The following RNF141 variants were observed in gnomAD, a reference collection of about 807,000 sequenced individuals.
RNF141 encodes C3HC4-like zinc finger protein.
RNF141 carries 18 observed loss-of-function variants against 27.4 expected under a neutral mutation model. The ratio of observed to expected loss-of-function variants is 0.66; its 90% confidence interval spans 0.45 to 0.97. The LOEUF (loss-of-function observed/expected upper bound fraction) is 0.97, where lower values mean the gene tolerates loss of function less well. RNF141 is among the 50% of genes least tolerant of loss of function. The pLI is 0.00. For missense variants in RNF141, 230 were observed against 279.4 expected (o/e 0.82, Z 1.26); for synonymous variants, 97 against 96.6 (o/e 1.00, Z -0.02).
intron 3 of RNF141, among the ~76,000 whole-genome samples, chr11:10,530,049 CG>C (rs1849972193): frequency 6.6e-6 from 1 of 151,926 alleles, no homozygotes; most frequent in Non-Finnish European, 1.5e-5. Flanking sequence ...GTTTTAGAGC[CG>C]GGGTGGGGAT....
chr11:10,539,177 T>A (rs1297265410), intron 1 of RNF141, among the ~76,000 whole-genome samples: 1 of 152,212 alleles, frequency 6.6e-6, no homozygotes, highest in Non-Finnish European at 1.5e-5. Flanking sequence ...ATTGTGGAAG[T>A]TCAAATATTC....
At chr11:10,530,594 G>A (rs757337246) in intron 3 of RNF141, 49 bp downstream of exon 3, 1 of 1,021,282 alleles carries the variant, frequency 9.8e-7, no homozygotes, top group Non-Finnish European at 1.5e-6. Flanking sequence ...TATAGTTCTA[G>A]CCACCAAAAT....
intron 5 of RNF141, chr11:10,516,794 A>C (rs990415754): frequency 5.3e-5 from 8 of 152,250 alleles, no homozygotes; most frequent in Admixed American, 3.3e-4. Context: ...TTAGTGGGAC[A>C]TAATTAGTTC....
chr11:10,525,863 C>T (rs758632897), intron 3 of RNF141, among the ~76,000 whole-genome samples: 2 of 152,120 alleles, frequency 1.3e-5, no homozygotes, highest in African/African-American at 4.8e-5. Context: ...TAAATCCTAA[C>T]AAAAGGTGGT....
intron 1 of RNF141, among the ~76,000 whole-genome samples, chr11:10,538,094 T>C (rs1367637520): frequency 7.2e-5 from 11 of 152,242 alleles, no homozygotes; most frequent in African/African-American, 2.7e-4. Context: ...GAGTTATTAA[T>C]AGAAAATGAT....
intron 5 of RNF141, 81 bp from the exon 6 acceptor site, chr11:10,515,147 G>T: frequency 7.1e-7 from 1 of 1,416,072 alleles, no homozygotes; most frequent in South Asian, 1.4e-5. Flanking sequence ...ACATGCACAT[G>T]GCTTTTAAAA....
At chr11:10,538,082 T>C (rs1850053432) in intron 1 of RNF141, among the ~76,000 whole-genome samples, 1 of 152,262 alleles carries the variant, frequency 6.6e-6, no homozygotes, top group African/African-American at 2.4e-5. Context: ...TGCTTATTTA[T>C]TGAGTTATTA....
intron 3 of RNF141, 81 bp from the exon 4 acceptor site, chr11:10,525,454 A>G: frequency 9.4e-7 from 1 of 1,058,692 alleles, no homozygotes; most frequent in Non-Finnish European, 1.4e-6. Context: ...ACAAATATTT[A>G]GTCAAACATC....
chr11:10,520,146 CTG>C (rs1469973337), intron 4 of RNF141, among the ~76,000 whole-genome samples: 1 of 152,126 alleles, frequency 6.6e-6, no homozygotes, highest in Non-Finnish European at 1.5e-5. Flanking sequence ...TTTATGAACA[CTG>C]TACATTTAGG....
chr11:10,531,809 G>A (rs1488130719), intron 2 of RNF141: 1 of 232,544 alleles, frequency 4.3e-6, no homozygotes, highest in African/African-American at 2.4e-5. Flanking sequence ...TGAGGCCATC[G>A]AAAGTTAAGC....
intron 5 of RNF141, chr11:10,516,504 G>A (rs994268148): frequency 6.6e-6 from 1 of 152,234 alleles, no homozygotes; most frequent in East Asian, 1.9e-4. Flanking sequence ...GAGAATCTTG[G>A]GGGGCCAAAC....
At chr11:10,525,660 A>T (rs541611359) in intron 3 of RNF141, among the ~76,000 whole-genome samples, 1 of 152,238 alleles carries the variant, frequency 6.6e-6, no homozygotes, top group Non-Finnish European at 1.5e-5. Flanking sequence ...TCTCAGAGTT[A>T]AGAAATAAAT....
chr11:10,516,455 T>C (rs1849843641), intron 5 of RNF141: 1 of 152,162 alleles, frequency 6.6e-6, no homozygotes, highest in Non-Finnish European at 1.5e-5. Context: ...GGAAGCTTGA[T>C]GGAACATGGC....
rs111313915 is a variant in RNF141, at chr11:10,539,012, T to G, written c.-48+2110A>C. On this transcript the variant is annotated intron_variant, in intron 1 of 5. Coordinates refer to ENST00000265981, the MANE Select transcript of RNF141 (RefSeq NM_016422.4). ...TATTGTGCCACCTATAACACAGTCA[T>G]TTTTTGCAAGATAAAAATATGCTTT... Among the ~76,000 whole-genome samples the G allele has an allele frequency of 1.7e-4, 26 of 152,304 alleles. 1 individual carries two copies. The highest frequency in any genetic ancestry group is 5.8e-4 in the African/African-American group (24 of 41,580).
intron 3 of RNF141, among the ~76,000 whole-genome samples, chr11:10,528,018 C>T (rs1410733759): frequency 1.3e-5 from 2 of 152,112 alleles, no homozygotes; most frequent in African/African-American, 4.8e-5. Context: ...TTCTTAACAG[C>T]CACCTTAGTA....
intron 4 of RNF141, among the ~76,000 whole-genome samples, chr11:10,520,183 ATTTC>A (rs1288810646): frequency 1.3e-5 from 2 of 152,134 alleles, no homozygotes; most frequent in African/African-American, 2.4e-5. Flanking sequence ...TAAAAAATAT[ATTTC>A]TTCAATGATA....
At chr11:10,531,359 A>AGT (rs1290236580) in intron 2 of RNF141, among the ~76,000 whole-genome samples, 4 of 119,846 alleles carry the variant, frequency 3.3e-5, no homozygotes, top group Non-Finnish European at 6.8e-5. Flanking sequence ...TGGGCGACAG[A>AGT]GTGAGACTCA....
chr11:10,512,393 A>G lies in RNF141; in HGVS notation c.*2523T>C, dbSNP rs1432379528. 1 of 152,660 alleles carries G rather than the reference A, an allele frequency of 6.6e-6. No individual in the cohort carries two copies. The highest frequency in any genetic ancestry group is 1.5e-5 in the Non-Finnish European group (1 of 68,024). The allele number at this position is 152,660 out of a possible 1,614,324, so 9.5% of individuals were successfully genotyped here. A position where few individuals can be genotyped will look rare whatever the true frequency, so the allele number is the denominator to read the frequency against. On this transcript the variant is annotated 3_prime_UTR_variant, in exon 6 of 6. Coordinates refer to ENST00000265981, the MANE Select transcript of RNF141 (RefSeq NM_016422.4). Reference sequence around the variant, plus strand: ...ATAAGGCTAATAACATTTTATATTCACAGTAGATCAGTAAGTGTCTTGGAG... The same window carrying G: ...ATAAGGCTAATAACATTTTATATTCGCAGTAGATCAGTAAGTGTCTTGGAG...
chr11:10,539,467 T>C (rs1001386110), intron 1 of RNF141, among the ~76,000 whole-genome samples: 7 of 151,648 alleles, frequency 4.6e-5, no homozygotes, highest in Non-Finnish European at 1.0e-4. Context: ...AAGTCAACTT[T>C]AACATCAGTA....
Sources: allele counts gnomAD v4.1 joint callset (sites outside exome capture counted in the v4.1 genomes callset), GRCh38; gene constraint gnomAD v4.1.1; transcripts MANE v1.5; gene names NCBI Gene and HGNC (gene_info 2026-07-23, HGNC 2026-07-21).